The following CEP128 variants were observed in gnomAD, a reference collection of about 807,000 sequenced individuals.
CEP128 encodes centrosomal protein 128.
In CEP128, 132 loss-of-function variants were observed where a neutral mutation model predicts 156.7. The ratio of observed to expected loss-of-function variants is 0.84; its 90% confidence interval spans 0.73 to 0.97. CEP128 has a LOEUF of 0.97. Ranked by LOEUF, CEP128 falls within the 50% of genes least tolerant of loss-of-function variation. The pLI is 0.00. For missense variants in CEP128, 1,252 were observed against 1,281.9 expected, an observed-to-expected ratio of 0.98 and a Z score of 0.36; for synonymous variants, 469 against 448.9, an observed-to-expected ratio of 1.04 and a Z score of -0.57.
intron 24 of CEP128, among the ~76,000 whole-genome samples, chr14:80,500,804 T>C (rs2094767972): frequency 6.6e-6 from 1 of 152,190 alleles, no homozygotes; most frequent in African/African-American, 2.4e-5. Context: ...ATACTCCCAA[T>C]ATAGTTACAT....
chr14:80,763,906 G>A (rs975008996), intron 16 of CEP128, among the ~76,000 whole-genome samples: 1 of 152,274 alleles, frequency 6.6e-6, no homozygotes, highest in Non-Finnish European at 1.5e-5. Flanking sequence ...TGATGGTGCA[G>A]TATTTTCATG....
intron 19 of CEP128, among the ~76,000 whole-genome samples, chr14:80,582,615 T>C (rs1483542754): frequency 6.6e-6 from 1 of 152,048 alleles, no homozygotes; most frequent in East Asian, 1.9e-4. Flanking sequence ...CTTTCATTGT[T>C]AATCCCAAAA....
chr14:80,600,797 G>C (rs1381576743), intron 19 of CEP128, among the ~76,000 whole-genome samples: 1 of 151,802 alleles, frequency 6.6e-6, no homozygotes, highest in East Asian at 1.9e-4. Flanking sequence ...ACTATTTAAA[G>C]CAATAATTAT....
At chr14:80,881,483 T>C (rs931806338) in intron 8 of CEP128, among the ~76,000 whole-genome samples, 6 of 138,332 alleles carry the variant, frequency 4.3e-5, no homozygotes, top group Admixed American at 4.3e-4. Context: ...TATTGAATTC[T>C]AGCAAACATT....
intron 19 of CEP128, among the ~76,000 whole-genome samples, chr14:80,611,167 T>C (rs1043816547): frequency 2.6e-5 from 4 of 152,062 alleles, no homozygotes; most frequent in African/African-American, 9.7e-5. Context: ...CCTATTATGT[T>C]TGAAAAACTA....
At chr14:80,827,931 T>C (rs1040958656) in intron 13 of CEP128, among the ~76,000 whole-genome samples, 1 of 152,090 alleles carries the variant, frequency 6.6e-6, no homozygotes, top group Non-Finnish European at 1.5e-5. Context: ...CTGAGTTTCA[T>C]TGTTAATATG....
intron 21 of CEP128, among the ~76,000 whole-genome samples, chr14:80,534,599 G>A (rs1322086475): frequency 6.6e-6 from 1 of 152,168 alleles, no homozygotes; most frequent in Non-Finnish European, 1.5e-5. Context: ...TCCGAGGCGG[G>A]TGGATCATGA....
Position 80,822,378 on chromosome 14 carries a change from A to T in CEP128, c.1209+8765T>A, listed in dbSNP as rs189344584. 2.3e-3 allele frequency: 892 copies of T among 387,118 alleles called. 3 individuals are homozygous for T. The highest frequency in any genetic ancestry group is 3.3e-3 in the Non-Finnish European group (652 of 200,586). 24.0% of individuals were successfully genotyped at this position (387,118 alleles called of 1,614,324 possible). On this transcript the variant is annotated intron_variant, in intron 13 of 24. Transcript: ENST00000555265. ...CCAAAACAAAGGGGCTACTGGCCCC[A>T]TGCAAGTCCAAAATCCAACAGGGAA...
intron 15 of CEP128, 69 bp downstream of exon 15, chr14:80,784,826 C>A (rs1407885023): frequency 1.2e-5 from 16 of 1,280,470 alleles, no homozygotes; most frequent in Non-Finnish European, 1.7e-5. Flanking sequence ...TAAAAGTTTA[C>A]GCTTTATTAA....
intron 19 of CEP128, among the ~76,000 whole-genome samples, chr14:80,730,533 T>C (rs142997094): frequency 2.3e-3 from 346 of 152,332 alleles, no homozygotes; most frequent in Non-Finnish European, 4.1e-3. Flanking sequence ...CTGTGGATCA[T>C]AAATTATATG....
intron 14 of CEP128, among the ~76,000 whole-genome samples, chr14:80,788,231 C>T (rs1423805618): frequency 4.0e-5 from 6 of 148,178 alleles, no homozygotes; most frequent in Non-Finnish European, 8.9e-5. Context: ...AATGAATAGC[C>T]TTTATCTTGA....
chr14:80,561,260 T>C lies in CEP128; in HGVS notation c.2857-1958A>G, dbSNP rs142195857. Among the ~76,000 whole-genome samples, 448 of 152,358 alleles carry C rather than the reference T, an allele frequency of 2.9e-3. 2 individuals carry two copies. Among genetic ancestry groups the C allele is most frequent in the Middle Eastern group, 0.01 (3 of 294 alleles). Reference sequence around the variant, plus strand: ...GTTTCTAGCAATATAATCTGTTTAATTGCATTTTGTTGGCATAGTTAAGAG... The same window carrying C: ...GTTTCTAGCAATATAATCTGTTTAACTGCATTTTGTTGGCATAGTTAAGAG... On this transcript the variant is annotated intron_variant, in intron 20 of 24. Transcript: ENST00000555265.
chr14:80,769,279 GT>G lies in CEP128; in HGVS notation c.2377-7667del, dbSNP rs1257891256. ...AGGATACTGAATTTTATTCTGAGTT[GT>G]TTTTTTTTTTAATTATACTTTAAGT... On this transcript the variant is annotated intron_variant, in intron 16 of 24. Transcript: ENST00000555265. Among the ~76,000 whole-genome samples, 469 of 138,948 alleles carry G rather than the reference GT, an allele frequency of 3.4e-3. 2 individuals carry two copies. Among genetic ancestry groups the G allele is most frequent in the African/African-American group, 0.011 (431 of 37,980 alleles). 91.2% of individuals were successfully genotyped at this position (138,948 alleles called of 152,430 possible).
downstream of CEP128, among the ~76,000 whole-genome samples, chr14:80,494,566 T>C (rs1431857423): frequency 6.6e-6 from 1 of 152,182 alleles, no homozygotes; most frequent in East Asian, 1.9e-4. Flanking sequence ...ATGTGTTATC[T>C]AACTACAAAA....
At chr14:80,829,933 T>A (rs528853723) in intron 13 of CEP128, among the ~76,000 whole-genome samples, 4 of 152,134 alleles carry the variant, frequency 2.6e-5, no homozygotes, top group Non-Finnish European at 5.9e-5. Flanking sequence ...TGATGGCAAG[T>A]GAAAAGAAAC....
At chr14:80,701,679 C>T (rs1305865298) in intron 19 of CEP128, among the ~76,000 whole-genome samples, 3 of 152,174 alleles carry the variant, frequency 2.0e-5, no homozygotes, top group Non-Finnish European at 4.4e-5. Context: ...CTTTTTCCTA[C>T]TAATTTTCTT....
intron 23 of CEP128, among the ~76,000 whole-genome samples, chr14:80,514,282 C>A (rs1888389717): frequency 1.3e-5 from 2 of 152,162 alleles, no homozygotes; most frequent in South Asian, 4.1e-4. Context: ...GAGGACCCTC[C>A]TAAGGGCTGT....
intron 24 of CEP128, among the ~76,000 whole-genome samples, chr14:80,499,908 T>C (rs944130023): frequency 3.9e-5 from 6 of 152,194 alleles, no homozygotes; most frequent in Non-Finnish European, 7.3e-5. Context: ...CTGAAGGTAA[T>C]GGAATCCAAG....
At chr14:80,851,819 GA>G (rs1886904741) in intron 9 of CEP128, among the ~76,000 whole-genome samples, 1 of 151,898 alleles carries the variant, frequency 6.6e-6, no homozygotes, top group African/African-American at 2.4e-5. Context: ...ATTAAAGAGG[GA>G]AAATGATATG....
Sources: allele counts gnomAD v4.1 joint callset (sites outside exome capture counted in the v4.1 genomes callset), GRCh38; gene constraint gnomAD v4.1.1; transcripts MANE v1.5; gene names NCBI Gene and HGNC (gene_info 2026-07-23, HGNC 2026-07-21).